The following SELENOP variants were observed in gnomAD, a reference collection of about 807,000 sequenced individuals.
SELENOP encodes the protein selenoprotein P.
SELENOP carries 36 observed loss-of-function variants against 41.0 expected under a neutral mutation model. The observed-to-expected ratio is 0.88, with a 90% CI of 0.67 to 1.16. The LOEUF (loss-of-function observed/expected upper bound fraction) is 1.16, where lower values mean the gene tolerates loss of function less well. Ranked by LOEUF, SELENOP falls within the 50% of genes most tolerant of loss-of-function variation. The pLI is 0.00. For missense variants in SELENOP, 440 were observed against 454.2 expected, an observed-to-expected ratio of 0.97 and a Z score of 0.28; for synonymous variants, 144 against 150.8, an observed-to-expected ratio of 0.95 and a Z score of 0.33.
intron 3 of SELENOP, chr5:42,806,593 A>T (rs1193344907): frequency 1.7e-5 from 4 of 235,690 alleles, no homozygotes; most frequent in African/African-American, 8.8e-5. Flanking sequence ...CCAAGGAAGA[A>T]TGTGGGAGGA....
Position 42,801,283 on chromosome 5 carries a change from C to A in SELENOP, c.583G>T (p.Asp195Tyr), listed in dbSNP as rs766490728. The A allele has an allele frequency of 6.2e-7, 1 of 1,613,590 alleles. No homozygotes were observed. Among genetic ancestry groups the A allele is most frequent in the Admixed American group, 1.7e-5 (1 of 59,976 alleles). Reference protein sequence around the residue: ...FCKRVSLATVDKTVETPSPHY... With the variant: ...FCKRVSLATVYKTVETPSPHY... ...GGCGATGGAGTTTCAACTGTTTTAT[C>A]CACAGTAGCCAAAGATACACGTTTA... The change falls in exon 5 of 5, where the codon GAT (aspartate) becomes TAT (tyrosine). Residue 195 changes from aspartate to tyrosine, a missense_variant. Physicochemically the swap from Asp to Tyr is radical, Grantham distance 160. Transcript: ENST00000514985.
intron 1 of SELENOP, among the ~76,000 whole-genome samples, chr5:42,808,762 A>T (rs533084590): frequency 4.1e-4 from 62 of 151,942 alleles, no homozygotes; most frequent in Admixed American, 1.2e-3. Flanking sequence ...TACAAAAAAA[A>T]AAAAAAAATT....
In SELENOP at chr5:42,804,646, A is replaced by G; in HGVS notation, c.534+10T>C. On this transcript the variant is annotated intron_variant, in intron 4 of 4. Coordinates refer to ENST00000514985, the MANE Select transcript of SELENOP (RefSeq NM_005410.4). ...TCTTTTCTCCCCAGAAAAATAATTC[A>G]GAAAAATACCGTGAGAGAGCAGTTT... 3 of 1,451,182 alleles carry G rather than the reference A, an allele frequency of 2.1e-6. No individual in the cohort carries two copies. Among genetic ancestry groups the G allele is most frequent in the Non-Finnish European group, 1.9e-6 (2 of 1,049,558 alleles). 89.9% of individuals were successfully genotyped at this position (1,451,182 alleles called of 1,614,324 possible). A position where few individuals can be genotyped will look rare whatever the true frequency, so the allele number is the denominator to read the frequency against.
chr5:42,808,306 C>T lies in SELENOP; in HGVS notation c.48G>A (p.Ser16=), dbSNP rs976036195. Residue 16 remains serine (S), a synonymous_variant, in exon 2 of 5, where the codon TCG becomes TCA. Coordinates refer to ENST00000514985, the MANE Select transcript of SELENOP (RefSeq NM_005410.4). The part of the protein sequence containing the change: ...GLALALCLLP[S]GGTESQDQSS... ...TTTGGTCCTGGCTCTCTGTTCCTCC[C>T]GATGGGAGGAGACAGAGAGCCAGGG... The T allele has an allele frequency of 3.9e-5, 58 of 1,504,066 alleles. No homozygotes were observed. Among genetic ancestry groups the T allele is most frequent in the East Asian group, 1.7e-4 (7 of 40,106 alleles). The allele number at this position is 1,504,066 out of a possible 1,614,324, so 93.2% of individuals were successfully genotyped here.
At chr5:42,801,401 G>A (rs1424527413) in intron 4 of SELENOP, 70 bp from the exon 5 acceptor site, 50 of 1,188,104 alleles carry the variant, frequency 4.2e-5, no homozygotes, top group African/African-American at 6.1e-5. Flanking sequence ...AAAATGATTT[G>A]TAGAGCTAAC....
intron 1 of SELENOP, among the ~76,000 whole-genome samples, chr5:42,808,899 G>A (rs1327659701): frequency 2.0e-5 from 3 of 147,302 alleles, no homozygotes; most frequent in Non-Finnish European, 3.0e-5. Context: ...CAGCCTGGGC[G>A]ACAGAACGAG....
intron 4 of SELENOP, among the ~76,000 whole-genome samples, chr5:42,802,803 G>T (rs972857296): frequency 2.0e-5 from 3 of 152,128 alleles, no homozygotes; most frequent in African/African-American, 7.2e-5. Flanking sequence ...TAGAGATGGG[G>T]TTTCACCATG....
At position 42,800,237 on chromosome 5, in the gene SELENOP, A is replaced by G. The variant is rs1261583218; in HGVS notation, c.*483T>C. 1 of 157,028 alleles carries G rather than the reference A, an allele frequency of 6.4e-6. No individual in the cohort carries two copies. Among genetic ancestry groups the G allele is most frequent in the East Asian group, 1.9e-4 (1 of 5,332 alleles). 9.7% of individuals were successfully genotyped at this position (157,028 alleles called of 1,614,324 possible). On this transcript the variant is annotated 3_prime_UTR_variant, in exon 5 of 5. Transcript: ENST00000514985. ...AATAGTTATATATGCTTTTTTAGCAAAATATTCACGTGTTAAGTATTTCTG... is the reference window on the plus strand; with the variant it reads ...AATAGTTATATATGCTTTTTTAGCAGAATATTCACGTGTTAAGTATTTCTG...
chr5:42,808,290 G>A lies in SELENOP; in HGVS notation c.64C>T (p.Gln22Ter), dbSNP rs1760380537. The A allele has an allele frequency of 1.2e-5, 18 of 1,552,566 alleles. No homozygotes were observed. The highest frequency in any genetic ancestry group is 1.6e-5 in the Non-Finnish European group (18 of 1,149,584). The change falls in exon 2 of 5, where the codon CAG becomes TAG. Residue 22 changes from glutamine (Q) to a stop codon, truncating the protein, a stop_gained. Transcript: ENST00000514985. LOFTEE classifies it high-confidence loss of function. ...CLLPSGGTES[Q>*]DQSSLCKQPP... ...TGCTTACATAAGGAGCTTTGGTCCT[G>A]GCTCTCTGTTCCTCCCGATGGGAGG... is the stretch of plus-strand genomic sequence containing the variant.
intron 4 of SELENOP, among the ~76,000 whole-genome samples, chr5:42,803,290 A>G (rs894049104): frequency 2.6e-5 from 4 of 152,232 alleles, no homozygotes; most frequent in African/African-American, 9.6e-5. Context: ...TGAGAAATGC[A>G]GAAATAATCC....
Position 42,804,665 on chromosome 5 carries a change from G to T in SELENOP, c.525C>A (p.Cys175Ter). ...IAYCEKKCGN[C>*]SLTTLKDEDF... ...TAATTCAGAAAAATACCGTGAGAGA[G>T]CAGTTTCCACATTTCTTTTCACAGT... Residue 175 changes from cysteine (C) to a stop codon, truncating the protein, a stop_gained, in exon 4 of 5, where the codon TGC becomes TGA. Transcript: ENST00000514985. LOFTEE classifies it high-confidence loss of function. 6.5e-7 allele frequency: 1 copy of T among 1,541,844 alleles called. No homozygotes were observed. Among genetic ancestry groups the T allele is most frequent in the East Asian group, 2.3e-5 (1 of 43,872 alleles).
At chr5:42,810,939 A>G (rs1760445982) in intron 1 of SELENOP, among the ~76,000 whole-genome samples, 1 of 152,230 alleles carries the variant, frequency 6.6e-6, no homozygotes. Context: ...TTGTTTTCTT[A>G]AAATTATTTC....
intron 4 of SELENOP, chr5:42,802,510 CTT>C (rs1207941043): frequency 1.3e-5 from 2 of 152,190 alleles, no homozygotes; most frequent in African/African-American, 2.4e-5. Context: ...TGCTTACAAA[CTT>C]ATAAAGAATT....
rs745704566 is a variant in SELENOP, at chr5:42,800,594, G to A, written c.*126C>T. 3.7e-5 allele frequency: 44 copies of A among 1,177,786 alleles called. No individual in the cohort carries two copies. The highest frequency in any genetic ancestry group is 5.0e-5 in the Non-Finnish European group (43 of 851,670). The allele number at this position is 1,177,786 out of a possible 1,614,324, so 73.0% of individuals were successfully genotyped here. The stretch of plus-strand genomic sequence containing the variant: ...AATTTAAAATCTGGAAGCCAATTCA[G>A]TAGATTTCTCCATGTTTGCACAAAT... On this transcript the variant is annotated 3_prime_UTR_variant, in exon 5 of 5. Transcript: ENST00000514985.
intron 1 of SELENOP, chr5:42,810,760 G>A: frequency 4.5e-6 from 5 of 1,106,262 alleles, no homozygotes; most frequent in Non-Finnish European, 5.7e-6. Flanking sequence ...GTCCAGCCCA[G>A]AGCACATATT....
At chr5:42,811,475 CCT>C (rs974028604) in intron 1 of SELENOP, among the ~76,000 whole-genome samples, 9 of 151,984 alleles carry the variant, frequency 5.9e-5, no homozygotes, top group Non-Finnish European at 1.3e-4. Context: ...GGGTTTTTTC[CCT>C]GTTTGTTCTT....
chr5:42,804,136 G>A (rs1345258068), intron 4 of SELENOP, among the ~76,000 whole-genome samples: 1 of 152,204 alleles, frequency 6.6e-6, no homozygotes, highest in Non-Finnish European at 1.5e-5. Flanking sequence ...TCTAGATAAA[G>A]GCAGCAACAT....
rs956472242 is a variant in SELENOP at position 42,800,606 on chromosome 5, A to T, written c.*114T>A. The stretch of plus-strand genomic sequence containing the variant: ...GGAAGCCAATTCAGTAGATTTCTCC[A>T]TGTTTGCACAAATCTAATTTCTATT... On this transcript the variant is annotated 3_prime_UTR_variant, in exon 5 of 5. Transcript: ENST00000514985. 1.3e-5 allele frequency: 17 copies of T among 1,275,312 alleles called. No individual in the cohort carries two copies. The highest frequency in any genetic ancestry group is 1.7e-5 in the Non-Finnish European group (16 of 935,300). 79.0% of individuals were successfully genotyped at this position (1,275,312 alleles called of 1,614,324 possible).
At chr5:42,802,010 T>G (rs1299214664) in intron 4 of SELENOP, 1 of 152,242 alleles carries the variant, frequency 6.6e-6, no homozygotes, top group Non-Finnish European at 1.5e-5. Flanking sequence ...TATATGATAC[T>G]GTAATCTAAT....
Sources: gnomAD v4.1 joint callset for allele counts (sites outside exome capture counted in the v4.1 genomes callset) on GRCh38, gnomAD v4.1.1 for gene constraint, MANE v1.5 for transcripts, NCBI Gene and HGNC (gene_info 2026-07-23, HGNC 2026-07-21) for gene names.